ADGRG2: variants seen among roughly 807,000 people sequenced by gnomAD.
ADGRG2 encodes the protein G protein-coupled receptor 64.
In ADGRG2, 26 loss-of-function variants were observed where a neutral mutation model predicts 74.1. The ratio of observed to expected loss-of-function variants is 0.35; its 90% CI spans 0.26 to 0.49. The LOEUF (loss-of-function observed/expected upper bound fraction) is 0.49, where lower values mean the gene tolerates loss of function less well. ADGRG2 is among the 20% of genes least tolerant of loss of function. The pLI is 0.99. For synonymous variants in ADGRG2, 296 were observed against 295.2 expected, an observed-to-expected ratio of 1.00 and a Z score of -0.03; for missense variants, 619 against 763.1, an observed-to-expected ratio of 0.81 and a Z score of 2.22.
At chrX:19,091,279 G>C (rs1232105957) in intron 1 of ADGRG2, among the ~76,000 whole-genome samples, 1 of 110,809 alleles carries the variant, frequency 9.0e-6, no homozygotes, top group Non-Finnish European at 1.9e-5. Context: ...ATTTTAAACA[G>C]TGGGCAGCGT....
chrX:19,068,096 T>C (rs1373081574), intron 3 of ADGRG2, among the ~76,000 whole-genome samples: 1 of 112,237 alleles, frequency 8.9e-6, no homozygotes, highest in Non-Finnish European at 1.9e-5. Context: ...CAGGGTTATA[T>C]GATCCAGCAA....
intron 1 of ADGRG2, among the ~76,000 whole-genome samples, chrX:19,107,578 T>A (rs1427640457): frequency 3.7e-5 from 4 of 109,496 alleles, no homozygotes; most frequent in African/African-American, 1.3e-4. Flanking sequence ...ATTCGGGTGG[T>A]AAACCTTTAC....
chrX:19,016,652 G>A (rs1043795528), intron 15 of ADGRG2, among the ~76,000 whole-genome samples: 3 of 105,474 alleles, frequency 2.8e-5, no homozygotes, highest in African/African-American at 1.0e-4. Flanking sequence ...CCACTAACTC[G>A]TCATCTAGCA....
chrX:19,039,137 A>G (rs2061004189), intron 4 of ADGRG2: 2 of 301,656 alleles, frequency 6.6e-6, no homozygotes, highest in African/African-American at 5.4e-5. Context: ...TGAGGCATGG[A>G]AAGGTTAAAG....
intron 1 of ADGRG2, among the ~76,000 whole-genome samples, chrX:19,106,069 T>C (rs28445412): frequency 0.25 from 26,981 of 108,834 alleles, 4,593 homozygotes; most frequent in African/African-American, 0.62. Flanking sequence ...AGGCAGCCAA[T>C]AGATGGCGTT....
intron 7 of ADGRG2, chrX:19,035,266 G>C (rs946587161): frequency 1.8e-5 from 2 of 112,431 alleles, no homozygotes; most frequent in South Asian, 7.3e-4. Context: ...CTGACCCTTA[G>C]AATGCAATCC....
chrX:18,992,940 T>TG (rs933579269), intron 28 of ADGRG2, among the ~76,000 whole-genome samples: 9 of 112,019 alleles, frequency 8.0e-5, no homozygotes, highest in African/African-American at 2.3e-4. Context: ...CAGATGACCC[T>TG]GCTCGCTCCT....
intron 1 of ADGRG2, among the ~76,000 whole-genome samples, chrX:19,120,014 C>T (rs2062585581): frequency 2.7e-5 from 3 of 111,909 alleles, no homozygotes; most frequent in African/African-American, 9.7e-5. Context: ...GGCAAGATTT[C>T]TTCACAGACA....
intron 3 of ADGRG2, among the ~76,000 whole-genome samples, chrX:19,046,456 C>G: frequency 8.9e-6 from 1 of 112,413 alleles, no homozygotes; most frequent in East Asian, 2.8e-4. Context: ...AGACGCTAAG[C>G]TGCTTGATGC....
chrX:19,077,102 G>A (rs1284792678), intron 2 of ADGRG2, among the ~76,000 whole-genome samples: 1 of 110,624 alleles, frequency 9.0e-6, no homozygotes, highest in African/African-American at 3.3e-5. Context: ...AGTGGAGGAG[G>A]AAAACAGTTT....
chrX:19,039,044 T>G (rs1216949260), intron 4 of ADGRG2, among the ~76,000 whole-genome samples: 1 of 111,812 alleles, frequency 8.9e-6, no homozygotes, highest in Non-Finnish European at 1.9e-5. Flanking sequence ...ACACTGTGCC[T>G]GGCACATATG....
At chrX:19,034,316 C>G (rs1424147672) in intron 7 of ADGRG2, 1 of 111,736 alleles carries the variant, frequency 8.9e-6, no homozygotes. Context: ...GTTTTGGGGA[C>G]AGAGCCCATG....
chrX:19,106,204 A>T (rs1341846052), intron 1 of ADGRG2, among the ~76,000 whole-genome samples: 1 of 110,419 alleles, frequency 9.1e-6, no homozygotes, highest in Admixed American at 9.7e-5. Flanking sequence ...TGCATCAGGC[A>T]TTGGTTGAAG....
chrX:19,018,996 C>A (rs1026328626), intron 15 of ADGRG2, among the ~76,000 whole-genome samples: 1 of 111,328 alleles, frequency 9.0e-6, no homozygotes, highest in African/African-American at 3.3e-5. Flanking sequence ...GCGCCCGCCA[C>A]CATGCCCGGC....
chrX:19,074,819 G>A (rs949038854), intron 2 of ADGRG2, among the ~76,000 whole-genome samples: 4 of 106,386 alleles, frequency 3.8e-5, no homozygotes, highest in African/African-American at 1.4e-4. Flanking sequence ...GATCCACCCG[G>A]CTCGGCCTCC....
chrX:19,040,001 T>C (rs2061023428), intron 4 of ADGRG2, among the ~76,000 whole-genome samples, 188 bp downstream of exon 4: 1 of 112,361 alleles, frequency 8.9e-6, no homozygotes. Context: ...TCCCGCAATA[T>C]GGACGGATCA....
At chrX:19,082,245 G>T (rs1030977985) in intron 2 of ADGRG2, among the ~76,000 whole-genome samples, 6 of 111,093 alleles carry the variant, frequency 5.4e-5, no homozygotes, top group Non-Finnish European at 9.4e-5. Context: ...ACAGCACTTA[G>T]GTCAGAGAGA....
intron 7 of ADGRG2, chrX:19,035,378 A>G (rs1324389784): frequency 8.9e-6 from 1 of 112,585 alleles, no homozygotes; most frequent in Non-Finnish European, 1.9e-5. Flanking sequence ...TTAAAAAGAT[A>G]GAAACAACTT....
At chrX:19,013,041 G>A (rs1313521324) in intron 16 of ADGRG2, among the ~76,000 whole-genome samples, 1 of 111,238 alleles carries the variant, frequency 9.0e-6, no homozygotes, top group Non-Finnish European at 1.9e-5. Context: ...AACAGGCGGA[G>A]GCAGAAGGAG....
Sources: gnomAD v4.1 joint callset for allele counts (sites outside exome capture counted in the v4.1 genomes callset) on GRCh38, gnomAD v4.1.1 for gene constraint, MANE v1.5 for transcripts, NCBI Gene and HGNC (gene_info 2026-07-23, HGNC 2026-07-21) for gene names.